The following BTBD16 variants were observed in gnomAD, a reference collection of about 807,000 sequenced individuals.
BTBD16 encodes the protein BTB/POZ domain-containing protein 16.
In BTBD16, 66 loss-of-function variants were observed where a neutral mutation model predicts 67.4. The observed-to-expected ratio is 0.98, with a 90% CI of 0.80 to 1.20. The LOEUF is 1.20. Among genes scored for constraint, BTBD16 ranks in the 50% most tolerant of loss-of-function variants. The pLI is 0.00. For missense variants in BTBD16, 634 were observed against 616.0 expected (o/e 1.03, Z -0.31); for synonymous variants, 242 against 236.4 (o/e 1.02, Z -0.22).
At chr10:122,300,660 A>G (rs937572330) in intron 9 of BTBD16, among the ~76,000 whole-genome samples, 1 of 152,148 alleles carries the variant, frequency 6.6e-6, no homozygotes, top group Non-Finnish European at 1.5e-5. Context: ...TTTGCCCAAT[A>G]CTGCCTTTTA....
chr10:122,319,024 A>G (rs563112076), intron 10 of BTBD16, among the ~76,000 whole-genome samples: 4 of 152,272 alleles, frequency 2.6e-5, no homozygotes, highest in Admixed American at 1.3e-4. Context: ...TCCTTCATTT[A>G]TCTTCTTTAG....
At chr10:122,330,112 A>G (rs980373413) in intron 11 of BTBD16, among the ~76,000 whole-genome samples, 15 of 152,290 alleles carry the variant, frequency 9.8e-5, no homozygotes, top group East Asian at 3.9e-4. Context: ...ATCCAGATAT[A>G]ATAAGTAGCT....
chr10:122,336,571 G>C lies in BTBD16; in HGVS notation c.1341G>C (p.Leu447=). 1.9e-6 allele frequency: 3 copies of C among 1,613,304 alleles called. No homozygotes were observed. Among genetic ancestry groups the C allele is most frequent in the Non-Finnish European group, 1.7e-6 (2 of 1,179,766 alleles). Residue 447 remains leucine, a synonymous_variant, in exon 15 of 16, where the codon CTG becomes CTC. Transcript: ENST00000260723. The part of the protein sequence containing the change: ...HNHVSLRAAR[L]VKYEIRAEAL... Reference sequence around the variant, plus strand: ...ACGTCAGCCTGCGAGCGGCACGCCTGGTGAAGTATGAGATCAGAGCAGAGG... The same window carrying C: ...ACGTCAGCCTGCGAGCGGCACGCCTCGTGAAGTATGAGATCAGAGCAGAGG...
rs1212131492 is a variant in BTBD16, at chr10:122,297,837, G to A, written c.660G>A (p.Lys220=). 13 of 1,613,984 alleles carry A rather than the reference G, an allele frequency of 8.1e-6. No individual in the cohort carries two copies. The highest frequency in any genetic ancestry group is 1.1e-5 in the Non-Finnish European group (13 of 1,180,002). The change falls in exon 8 of 16, where the codon AAG becomes AAA. Residue 220 remains lysine, a splice_region_variant and synonymous_variant. Coordinates refer to ENST00000260723, the MANE Select transcript of BTBD16 (RefSeq NM_144587.5). ...AGAAATTCTACGAGGCCGGCTGCAA[G>A]GTGAGAACAACCCAGACGGGGCACA... is the stretch of plus-strand genomic sequence containing the variant. The part of the protein sequence containing the change: ...TIKKFYEAGC[K]YKEEQLTTGC...
intron 8 of BTBD16, 134 bp from the exon 9 acceptor site, chr10:122,298,870 T>C (rs540694733): frequency 1.7e-5 from 19 of 1,111,840 alleles, no homozygotes; most frequent in South Asian, 1.5e-4. Flanking sequence ...CTGTAATTCA[T>C]GTATTTTGTA....
At chr10:122,316,286 A>G (rs1232878513) in intron 10 of BTBD16, among the ~76,000 whole-genome samples, 1 of 152,034 alleles carries the variant, frequency 6.6e-6, no homozygotes, top group Admixed American at 6.6e-5. Flanking sequence ...ACAAAACAAA[A>G]CAAAACAAAA....
At chr10:122,281,575 A>G (rs1329879060) in intron 3 of BTBD16, among the ~76,000 whole-genome samples, 1 of 152,142 alleles carries the variant, frequency 6.6e-6, no homozygotes, top group African/African-American at 2.4e-5. Flanking sequence ...CCATCAGGGT[A>G]TTTAACACAT....
At chr10:122,287,386 A>G (rs118150284) in intron 5 of BTBD16, 48 of 977,790 alleles carry the variant, frequency 4.9e-5, no homozygotes, top group Non-Finnish European at 5.7e-5. Flanking sequence ...ACGGTCTTTA[A>G]CATGTCTAGA....
chr10:122,276,381 C>T (rs1304259537), intron 2 of BTBD16, among the ~76,000 whole-genome samples: 1 of 151,426 alleles, frequency 6.6e-6, no homozygotes, highest in African/African-American at 2.4e-5. Context: ...GTATATTTTA[C>T]CACCATTAAA....
rs1432246686 is a variant in BTBD16, at chr10:122,275,023, C to A, written c.-42-17C>A. On this transcript the variant is annotated splice_polypyrimidine_tract_variant and intron_variant, in intron 1 of 15. Transcript: ENST00000260723. ...AAAAGTATGGAAAATGTCACCTTTA[C>A]CTCTTTTGTCTTCTAGGTTGCTTGT... The A allele has an allele frequency of 4.4e-6, 7 of 1,585,344 alleles. No individual in the cohort carries two copies. In the East Asian group the frequency reaches 8.9e-5, roughly 20 times the overall value.
At chr10:122,272,457 T>G (rs2096330856) in intron 1 of BTBD16, among the ~76,000 whole-genome samples, 2 of 152,224 alleles carry the variant, frequency 1.3e-5, no homozygotes, top group African/African-American at 4.8e-5. Flanking sequence ...CTGTCCTGCC[T>G]CAGCCTCCCA....
chr10:122,301,890 T>G (rs1429035872), intron 9 of BTBD16, among the ~76,000 whole-genome samples: 1 of 152,156 alleles, frequency 6.6e-6, no homozygotes, highest in African/African-American at 2.4e-5. Context: ...GTCCACGTCT[T>G]GCCCTGTGTG....
chr10:122,336,390 C>A, intron 14 of BTBD16, 104 bp from the exon 15 acceptor site: 1 of 1,028,788 alleles, frequency 9.7e-7, no homozygotes, highest in Non-Finnish European at 1.4e-6. Context: ...CTCTTGCTGC[C>A]TGCACACATT....
chr10:122,316,215 C>G (rs1309330856), intron 10 of BTBD16, among the ~76,000 whole-genome samples: 1 of 152,036 alleles, frequency 6.6e-6, no homozygotes, highest in Admixed American at 6.6e-5. Flanking sequence ...TGCAGTGAGC[C>G]GAGATTGTGC....
At chr10:122,332,646 T>C in intron 13 of BTBD16, 133 bp downstream of exon 13, 1 of 1,039,224 alleles carries the variant, frequency 9.6e-7, no homozygotes, top group Non-Finnish European at 1.4e-6. Context: ...GAACCACAGG[T>C]GTCTCTCCTG....
At chr10:122,294,562 G>T (rs925935733) in intron 7 of BTBD16, among the ~76,000 whole-genome samples, 2 of 148,108 alleles carry the variant, frequency 1.4e-5, no homozygotes, top group Admixed American at 1.3e-4. Context: ...GCACACACAC[G>T]CTCACACACA....
intron 5 of BTBD16, among the ~76,000 whole-genome samples, chr10:122,288,456 G>A (rs889006325): frequency 3.3e-5 from 5 of 152,216 alleles, no homozygotes; most frequent in African/African-American, 1.2e-4. Context: ...AGTTGCACAG[G>A]ATGATGGGCT....
intron 9 of BTBD16, among the ~76,000 whole-genome samples, chr10:122,300,536 T>G (rs2096392014): frequency 6.6e-6 from 1 of 152,176 alleles, no homozygotes; most frequent in Non-Finnish European, 1.5e-5. Context: ...ATTAAGTTCC[T>G]TTACTCCACA....
intron 8 of BTBD16, 57 bp downstream of exon 8, chr10:122,297,894 T>C (rs1459970574): frequency 2.0e-6 from 3 of 1,537,368 alleles, no homozygotes; most frequent in Middle Eastern, 1.8e-4. Context: ...AGGAGCAGCC[T>C]AGATGCTGGG....
Sources: allele counts gnomAD v4.1 joint callset (sites outside exome capture counted in the v4.1 genomes callset), GRCh38; gene constraint gnomAD v4.1.1; transcripts MANE v1.5; gene names NCBI Gene and HGNC (gene_info 2026-07-23, HGNC 2026-07-21).